The following MED24 variants were observed in gnomAD, a reference collection of about 807,000 sequenced individuals.
MED24 encodes mediator of RNA polymerase II transcription subunit 24.
A neutral mutation model predicts 118.8 loss-of-function variants in MED24; 74 were observed. The ratio of observed to expected loss-of-function variants is 0.62; its 90% CI spans 0.52 to 0.76. The LOEUF (loss-of-function observed/expected upper bound fraction) is 0.76, where lower values mean the gene tolerates loss of function less well. MED24 is among the 30% of genes least tolerant of loss of function. MED24 has a pLI of 0.00. For synonymous variants in MED24, 521 were observed against 523.9 expected, an observed-to-expected ratio of 0.99 and a Z score of 0.08; for missense variants, 1,041 against 1,278.9, an observed-to-expected ratio of 0.81 and a Z score of 2.84.
chr17:40,038,644 G>A (rs1984219537), intron 3 of MED24, among the ~76,000 whole-genome samples: 1 of 151,482 alleles, frequency 6.6e-6, no homozygotes, highest in South Asian at 2.1e-4. Flanking sequence ...CCAGGAGGCA[G>A]TGGTTGCAGA....
At chr17:40,028,501 G>A (rs1042087162) in intron 14 of MED24, among the ~76,000 whole-genome samples, 3 of 152,102 alleles carry the variant, frequency 2.0e-5, no homozygotes, top group Non-Finnish European at 4.4e-5. Context: ...AAATTCCAGG[G>A]CAATCAAAAA....
Position 40,023,368 on chromosome 17 carries a change from C to T in MED24, c.2013G>A (p.Glu671=), listed in dbSNP as rs754678436. 1 of 1,603,978 alleles carries T rather than the reference C, an allele frequency of 6.2e-7. No individual in the cohort carries two copies. Residue 671 remains glutamate (E), a synonymous_variant, in exon 20 of 26, where the codon GAG becomes GAA. Transcript: ENST00000394128. ...GCTGCAGCACGTCGGCACACATGCG[C>T]TCCAGGATCGAGTTCATGATCACCA... is the stretch of plus-strand genomic sequence containing the variant. ...ERVVIMNSIL[E]RMCADVLQQT... is the part of the protein sequence containing the mutation.
At chr17:40,028,781 C>T (rs1983023671) in intron 14 of MED24, 45 bp downstream of exon 14, 3 of 1,607,556 alleles carry the variant, frequency 1.9e-6, no homozygotes, top group Non-Finnish European at 1.7e-6. Context: ...TCCCAACGCG[C>T]AGCCTCCCTG....
At chr17:40,043,440 A>G (rs1984766896) in intron 3 of MED24, among the ~76,000 whole-genome samples, 1 of 152,184 alleles carries the variant, frequency 6.6e-6, no homozygotes, top group African/African-American at 2.4e-5. Flanking sequence ...GGCGGAACTT[A>G]TATGCAGGGA....
intron 14 of MED24, 153 bp from the exon 15 acceptor site, chr17:40,028,099 T>C (rs1213157549): frequency 1.2e-6 from 1 of 819,028 alleles, no homozygotes; most frequent in Non-Finnish European, 1.9e-6. Context: ...AAGGTTTTTG[T>C]GGTTTTTGTT....
intron 18 of MED24, 86 bp downstream of exon 18, chr17:40,026,561 C>A (rs538780041): frequency 1.5e-6 from 2 of 1,334,312 alleles, no homozygotes; most frequent in African/African-American, 1.5e-5. Context: ...GATTAAAGGT[C>A]TTCTTGCCCT....
intron 12 of MED24, among the ~76,000 whole-genome samples, chr17:40,030,837 T>C (rs1983284801): frequency 6.6e-6 from 1 of 152,006 alleles, no homozygotes; most frequent in African/African-American, 2.4e-5. Flanking sequence ...TTTTGTATTT[T>C]TAGTAGACAT....
chr17:40,047,400 G>T lies in MED24; in HGVS notation c.213+5898C>A, dbSNP rs529898635. Among the ~76,000 whole-genome samples the T allele has an allele frequency of 8.6e-5, 13 of 151,280 alleles. No homozygotes were observed. In the East Asian group the frequency reaches 2.4e-3, roughly 28 times the overall value. On this transcript the variant is annotated intron_variant, in intron 3 of 25. Coordinates refer to ENST00000394128, the MANE Select transcript of MED24 (RefSeq NM_014815.4). ...AAATAGGCCAGGCGTGGTGGCTCAT[G>T]CCTGTAATCCCAGCACTTTGGGAGG...
intron 3 of MED24, among the ~76,000 whole-genome samples, chr17:40,040,314 T>G (rs1324085466): frequency 6.6e-6 from 1 of 152,024 alleles, no homozygotes; most frequent in Non-Finnish European, 1.5e-5. Context: ...CCTGACCTCA[T>G]GATCCACCTG....
chr17:40,036,686 CAA>C (rs68118020), intron 3 of MED24, among the ~76,000 whole-genome samples: 1,732 of 91,368 alleles, frequency 0.019, 21 homozygotes, highest in African/African-American at 0.067. Flanking sequence ...GACTCTGTCT[CAA>C]AAAAAAAAAA....
At chr17:40,047,488 C>T (rs1289009084) in intron 3 of MED24, among the ~76,000 whole-genome samples, 2 of 151,662 alleles carry the variant, frequency 1.3e-5, no homozygotes, top group African/African-American at 4.8e-5. Context: ...GGTGAAACCC[C>T]GTCTCTACTA....
intron 3 of MED24, among the ~76,000 whole-genome samples, chr17:40,037,231 G>GGAAAGAAGGAAAGAAGGAAA (rs1343720032): frequency 4.6e-5 from 7 of 150,570 alleles, no homozygotes; most frequent in African/African-American, 1.7e-4. Context: ...AAGGAAGGAA[G>GGAAAGAAGGAAAGAAGGAAA]GAAGGAAAGA....
Position 40,019,175 on chromosome 17 carries a change from A to AACAC in MED24, c.*350_*353dup, listed in dbSNP as rs59767650. On this transcript the variant is annotated 3_prime_UTR_variant, in exon 26 of 26. Transcript: ENST00000394128. ...CCTCACATATTACAAAATACACACAAACACACACACACACACACACACACA... is the reference window on the plus strand; with the variant it reads ...CCTCACATATTACAAAATACACACAAACACACACACACACACACACACACACACA... 4,999 of 147,866 alleles carry AACAC rather than the reference A, an allele frequency of 0.034. 102 individuals carry two copies. The highest frequency in any genetic ancestry group is 0.079 in the African/African-American group (2,590 of 32,924). 9.2% of individuals were successfully genotyped at this position (147,866 alleles called of 1,614,324 possible).
chr17:40,032,908 T>G, intron 8 of MED24, 146 bp from the exon 9 acceptor site: 6 of 1,339,424 alleles, frequency 4.5e-6, no homozygotes, highest in Middle Eastern at 3.8e-4. Flanking sequence ...TAAGGTCCAA[T>G]GACAGAAGTG....
intron 10 of MED24, 131 bp downstream of exon 10, chr17:40,031,912 G>T: frequency 4.7e-6 from 5 of 1,069,746 alleles, no homozygotes; most frequent in Non-Finnish European, 6.9e-6. Flanking sequence ...TGTGAAGCAC[G>T]TGCACGCTGA....
intron 22 of MED24, 26 bp from the exon 23 acceptor site, chr17:40,022,080 T>A: frequency 6.5e-7 from 1 of 1,531,304 alleles, no homozygotes; most frequent in Non-Finnish European, 8.9e-7. Flanking sequence ...GTCACTGTTA[T>A]ACACCCCTAA....
Position 40,031,350 on chromosome 17 carries a change from A to G in MED24, c.1068-105T>C, listed in dbSNP as rs1031698522. ...CATCCTCCCTCTTTCAGGATGAGGA[A>G]AATCTGGAGTGCCTGAGGGACGGTA... On this transcript the variant is annotated intron_variant, in intron 11 of 25. Transcript: ENST00000394128. The G allele has an allele frequency of 9.3e-6, 12 of 1,295,692 alleles. No homozygotes were observed. The African/African-American group carries it at 1.8e-4, about 19-fold the overall frequency. 80.3% of individuals were successfully genotyped at this position (1,295,692 alleles called of 1,614,324 possible).
intron 3 of MED24, among the ~76,000 whole-genome samples, chr17:40,041,092 C>G (rs1336923181): frequency 6.6e-6 from 1 of 152,140 alleles, no homozygotes; most frequent in East Asian, 1.9e-4. Context: ...TGCACACCTT[C>G]CATTGACTAT....
intron 3 of MED24, among the ~76,000 whole-genome samples, chr17:40,040,142 A>C (rs1333325667): frequency 7.3e-6 from 1 of 137,576 alleles, no homozygotes; most frequent in Non-Finnish European, 1.6e-5. Context: ...GCAGTGGCAC[A>C]ATCTCGGCTC....
Sources: gnomAD v4.1 joint callset for allele counts (sites outside exome capture counted in the v4.1 genomes callset) on GRCh38, gnomAD v4.1.1 for gene constraint, MANE v1.5 for transcripts, NCBI Gene and HGNC (gene_info 2026-07-23, HGNC 2026-07-21) for gene names.